The following ENOX2 variants were observed in gnomAD, a reference collection of about 807,000 sequenced individuals.
ENOX2 encodes the protein ecto-NOX disulfide-thiol exchanger 2, also known as APK1 antigen.
A neutral mutation model predicts 45.0 loss-of-function variants in ENOX2; 36 were observed. The ratio of observed to expected loss-of-function variants is 0.80; its 90% confidence interval spans 0.61 to 1.06. The LOEUF (loss-of-function observed/expected upper bound fraction) is 1.06. ENOX2 is among the 50% of genes least tolerant of loss of function. ENOX2 has a pLI of 0.00. For synonymous variants in ENOX2, 174 were observed against 152.3 expected (o/e 1.14, Z -1.05); for missense variants, 423 against 462.5 (o/e 0.91, Z 0.78).
At chrX:130,880,573 A>G (rs1311034813) in intron 2 of ENOX2, among the ~76,000 whole-genome samples, 1 of 112,729 alleles carries the variant, frequency 8.9e-6, no homozygotes, top group Non-Finnish European at 1.9e-5. Flanking sequence ...GGTTCAAAAA[A>G]GATTTACTCG....
At chrX:130,901,205 C>T in intron 2 of ENOX2, among the ~76,000 whole-genome samples, 1 of 112,265 alleles carries the variant, frequency 8.9e-6, no homozygotes, top group South Asian at 3.7e-4. Context: ...ACCTATCTCT[C>T]CTTACCACAA....
intron 9 of ENOX2, among the ~76,000 whole-genome samples, 158 bp from the exon 10 acceptor site, chrX:130,656,853 C>T (rs1191112101): frequency 8.9e-6 from 1 of 111,776 alleles, no homozygotes. Flanking sequence ...GAAAGTAAAA[C>T]AGTCTCAGAC....
At chrX:130,798,768 G>C (rs1430159574) in intron 2 of ENOX2, among the ~76,000 whole-genome samples, 1 of 111,296 alleles carries the variant, frequency 9.0e-6, no homozygotes, top group African/African-American at 3.3e-5. Context: ...ATAACCCTTG[G>C]GACTCCAGGC....
chrX:130,655,291 G>GA (rs898204307), intron 10 of ENOX2, among the ~76,000 whole-genome samples: 2 of 111,929 alleles, frequency 1.8e-5, no homozygotes, highest in Non-Finnish European at 3.8e-5. Flanking sequence ...GGCAAAAATA[G>GA]AAAAAATTCA....
At position 130,645,048 on chromosome X, in the gene ENOX2, G is replaced by A. The variant is rs193143794; in HGVS notation, c.1130-7638C>T. ...ATTATACGGAAACTCTCAACTTTCC[G>A]TACAATTTTGCTGTGAATGTAAACT... On this transcript the variant is annotated intron_variant, in intron 10 of 14. Transcript: ENST00000394363. 4.5e-5 allele frequency among the ~76,000 whole-genome samples: 5 copies of A among 111,330 alleles called. No homozygotes were observed. The East Asian group carries it at 1.4e-3, about 31-fold the overall frequency.
At chrX:130,840,050 T>C (rs1436961470) in intron 2 of ENOX2, among the ~76,000 whole-genome samples, 1 of 111,138 alleles carries the variant, frequency 9.0e-6, no homozygotes, top group Non-Finnish European at 1.9e-5. Context: ...TGTCTCTCCA[T>C]TTCTATAAAA....
intron 2 of ENOX2, among the ~76,000 whole-genome samples, chrX:130,836,278 G>A (rs748411846): frequency 6.3e-5 from 7 of 111,757 alleles, no homozygotes; most frequent in African/African-American, 2.3e-4. Context: ...GTTGAATTGA[G>A]AGAAAGGCTA....
chrX:130,776,679 T>C (rs1209922894), intron 3 of ENOX2, among the ~76,000 whole-genome samples: 1 of 111,816 alleles, frequency 8.9e-6, no homozygotes, highest in Admixed American at 9.5e-5. Context: ...GGTATTTCTT[T>C]ATAGCAATGA....
chrX:130,825,748 T>TAC (rs1364652817), intron 2 of ENOX2, among the ~76,000 whole-genome samples: 1 of 111,245 alleles, frequency 9.0e-6, no homozygotes, highest in Non-Finnish European at 1.9e-5. Context: ...CCATGCTGTA[T>TAC]ACACTACCTA....
At chrX:130,887,768 T>C (rs1448071443) in intron 2 of ENOX2, among the ~76,000 whole-genome samples, 1 of 111,439 alleles carries the variant, frequency 9.0e-6, no homozygotes, top group Non-Finnish European at 1.9e-5. Flanking sequence ...AGTTGACAAA[T>C]CAGAACTTTA....
At chrX:130,711,946 T>A (rs2038204132) in intron 3 of ENOX2, among the ~76,000 whole-genome samples, 1 of 111,244 alleles carries the variant, frequency 9.0e-6, no homozygotes, top group Admixed American at 9.5e-5. Flanking sequence ...ATTTGGTATG[T>A]GCCTCTCCAA....
chrX:130,819,132 C>A (rs1419687823), intron 2 of ENOX2, among the ~76,000 whole-genome samples: 1 of 112,301 alleles, frequency 8.9e-6, no homozygotes, highest in African/African-American at 3.2e-5. Flanking sequence ...AAAAGCTCAT[C>A]ATCACCAGTC....
chrX:130,695,635 T>C (rs2037737474), intron 4 of ENOX2, among the ~76,000 whole-genome samples: 1 of 112,070 alleles, frequency 8.9e-6, no homozygotes, highest in Admixed American at 9.5e-5. Context: ...AAATAGGATC[T>C]AATTATATAT....
At chrX:130,788,007 C>G (rs932384785) in intron 2 of ENOX2, among the ~76,000 whole-genome samples, 8 of 111,956 alleles carry the variant, frequency 7.1e-5, no homozygotes, top group African/African-American at 2.6e-4. Flanking sequence ...TGCTTCCTAG[C>G]TACTTTTACT....
intron 2 of ENOX2, among the ~76,000 whole-genome samples, chrX:130,889,428 C>T (rs1351335026): frequency 1.8e-5 from 2 of 111,814 alleles, no homozygotes; most frequent in Admixed American, 9.5e-5. Flanking sequence ...CCCCTTTGAA[C>T]GTCATTGCTA....
chrX:130,732,141 AT>A (rs2038751182), intron 3 of ENOX2, among the ~76,000 whole-genome samples: 1 of 112,410 alleles, frequency 8.9e-6, no homozygotes, highest in Non-Finnish European at 1.9e-5. Flanking sequence ...TAATAAACAA[AT>A]ATAGTAAAAT....
Position 130,672,440 on chromosome X carries a change from T to C in ENOX2, c.461-2242A>G, listed in dbSNP as rs2037013619. 2.7e-5 allele frequency among the ~76,000 whole-genome samples: 3 copies of C among 112,560 alleles called. No homozygotes were observed. The Admixed American group carries it at 2.8e-4, about 10-fold the overall frequency. Reference sequence around the variant, plus strand: ...AGTGGGCCACTTAGGGGCCTGGGAATTGAAGGACTGCTTAGCTCAGTCCAT... The same window carrying C: ...AGTGGGCCACTTAGGGGCCTGGGAACTGAAGGACTGCTTAGCTCAGTCCAT... On this transcript the variant is annotated intron_variant, in intron 6 of 14. Transcript: ENST00000394363.
intron 2 of ENOX2, among the ~76,000 whole-genome samples, chrX:130,800,994 A>G (rs1730782342): frequency 1.8e-5 from 2 of 112,449 alleles, no homozygotes; most frequent in Admixed American, 1.9e-4. Context: ...AAAATGGCGT[A>G]TAAAATGGTT....
intron 2 of ENOX2, among the ~76,000 whole-genome samples, chrX:130,783,918 T>C (rs995347925): frequency 1.5e-4 from 17 of 112,093 alleles, no homozygotes; most frequent in African/African-American, 5.5e-4. Flanking sequence ...ATCCCTCCTG[T>C]TTCTGCGGCA....
Sources: allele counts gnomAD v4.1 joint callset (sites outside exome capture counted in the v4.1 genomes callset), GRCh38; gene constraint gnomAD v4.1.1; transcripts MANE v1.5; gene names NCBI Gene and HGNC (gene_info 2026-07-23, HGNC 2026-07-21).